The following GATM variants were observed in gnomAD, a reference collection of about 807,000 sequenced individuals.
The protein encoded by GATM is glycine amidinotransferase.
In GATM, 23 loss-of-function variants were observed where a neutral mutation model predicts 54.2. That is an observed-to-expected ratio of 0.42 (90% CI 0.31 to 0.60). The LOEUF (loss-of-function observed/expected upper bound fraction) is 0.60, where lower values mean the gene tolerates loss of function less well. Ranked by LOEUF, GATM falls within the 20% of genes least tolerant of loss-of-function variation. The pLI, the probability that GATM is intolerant of heterozygous loss-of-function variation, is 0.14. For missense variants in GATM, 401 were observed against 544.9 expected, an observed-to-expected ratio of 0.74 and a Z score of 2.63; for synonymous variants, 168 against 183.1, an observed-to-expected ratio of 0.92 and a Z score of 0.67.
chr15:45,366,817 CAGAG>C (rs751856917), intron 4 of GATM, among the ~76,000 whole-genome samples: 3 of 152,184 alleles, frequency 2.0e-5, no homozygotes, highest in African/African-American at 2.4e-5. Context: ...TTGAGAGAAA[CAGAG>C]AGACCACATT....
chr15:45,392,705 T>C (rs1358985032), intron 3 of GATM, among the ~76,000 whole-genome samples: 2 of 152,222 alleles, frequency 1.3e-5, no homozygotes, highest in African/African-American at 4.8e-5. Context: ...TTGTATTTGA[T>C]CATCTTCATA....
intron 3 of GATM, among the ~76,000 whole-genome samples, chr15:45,395,554 C>A (rs1319984901): frequency 6.6e-6 from 1 of 152,086 alleles, no homozygotes; most frequent in Non-Finnish European, 1.5e-5. Flanking sequence ...AAAAATAATA[C>A]AAAGTCACTT....
rs770990709 is a variant in GATM at position 45,376,650 on chromosome 15, A to G, written c.239T>C (p.Val80Ala). Residue 80 changes from valine (V) to alanine (A), a missense_variant, in exon 2 of 9, where the codon GTG becomes GCG. Around this residue, in one of 3 missense-constraint regions of GATM, gnomAD observed 321 missense variants for 457.5 expected, o/e 0.70. Transcript: ENST00000396659. ...NEWDPLEEVI[V>A]GRAENACVPP... ...AACACAGGCGTTTTCTGCTCTGCCC[A>G]CTATCACTTCCTCTAAGGGGTCCCA... 1.2e-6 allele frequency: 2 copies of G among 1,614,002 alleles called. No individual in the cohort carries two copies. The highest frequency in any genetic ancestry group is 1.3e-5 in the African/African-American group (1 of 74,898).
intron 1 of GATM, chr15:45,378,060 C>A (rs911900131): frequency 6.6e-6 from 2 of 303,466 alleles, no homozygotes; most frequent in Non-Finnish European, 1.2e-5. Flanking sequence ...CTTGGTGCAG[C>A]GCACCAAGGT....
intron 6 of GATM, 85 bp downstream of exon 6, chr15:45,365,961 A>G: frequency 4.9e-6 from 6 of 1,235,030 alleles, no homozygotes; most frequent in Non-Finnish European, 7.2e-6. Context: ...ACCATTAGGA[A>G]CCATGGAAGT....
At chr15:45,400,689 G>T (rs569002005) in intron 1 of GATM, among the ~76,000 whole-genome samples, 5 of 152,188 alleles carry the variant, frequency 3.3e-5, no homozygotes, top group Non-Finnish European at 7.4e-5. Flanking sequence ...TAACTTTATT[G>T]GCTCCCTGTT....
At chr15:45,367,190 A>G (rs1889463427) in intron 4 of GATM, among the ~76,000 whole-genome samples, 1 of 152,018 alleles carries the variant, frequency 6.6e-6, no homozygotes, top group Non-Finnish European at 1.5e-5. Context: ...AAAATACAAA[A>G]ATTCGTCAGG....
At chr15:45,396,700 T>A (rs1889935562) in intron 3 of GATM, among the ~76,000 whole-genome samples, 1 of 151,468 alleles carries the variant, frequency 6.6e-6, no homozygotes, top group Admixed American at 6.6e-5. Flanking sequence ...GAAACCCCGT[T>A]CCTACTAAAA....
At chr15:45,388,756 C>T (rs139930518) in intron 3 of GATM, among the ~76,000 whole-genome samples, 26 of 152,270 alleles carry the variant, frequency 1.7e-4, no homozygotes, top group Middle Eastern at 3.4e-3. Flanking sequence ...TCTCATATCA[C>T]TGATGGTATT....
chr15:45,376,852 C>A, intron 1 of GATM, 33 bp from the exon 2 acceptor site: 1 of 1,572,578 alleles, frequency 6.4e-7, no homozygotes, highest in Admixed American at 1.8e-5. Context: ...TATTGTATTG[C>A]ATTGCTCTAT....
intron 3 of GATM, among the ~76,000 whole-genome samples, chr15:45,394,361 A>G (rs1889904615): frequency 6.6e-6 from 1 of 152,174 alleles, no homozygotes; most frequent in South Asian, 2.1e-4. Flanking sequence ...TCTGTGCAAA[A>G]ATTGTCTTCC....
upstream of GATM, chr15:45,380,664 G>A (rs1889728898): frequency 6.6e-6 from 1 of 151,952 alleles, no homozygotes; most frequent in Non-Finnish European, 1.5e-5. Context: ...CCCATTAAAA[G>A]CACTATTTTA....
intron 3 of GATM, among the ~76,000 whole-genome samples, chr15:45,391,842 A>G (rs1595490062): frequency 6.6e-6 from 1 of 152,228 alleles, no homozygotes; most frequent in Non-Finnish European, 1.5e-5. Context: ...TTCTTCTGCT[A>G]AAGAAAAAAA....
At chr15:45,379,486 A>G (rs563804550), upstream of GATM, 159 of 152,392 alleles carry the variant, frequency 1.0e-3, no homozygotes, top group African/African-American at 3.7e-3. Flanking sequence ...CCAGACGAGC[A>G]GATGGCATGG....
intron 7 of GATM, chr15:45,364,349 C>T (rs1889412976): frequency 3.0e-6 from 1 of 335,080 alleles, no homozygotes; most frequent in African/African-American, 2.1e-5. Flanking sequence ...CTGGGGAACA[C>T]AGCAAGACAT....
chr15:45,389,412 T>A (rs1889842350), intron 3 of GATM, among the ~76,000 whole-genome samples: 1 of 152,236 alleles, frequency 6.6e-6, no homozygotes, highest in Non-Finnish European at 1.5e-5. Context: ...TGCTCCCAAA[T>A]AATCAAAGAC....
intron 2 of GATM, among the ~76,000 whole-genome samples, chr15:45,375,359 G>A (rs937615601): frequency 3.3e-5 from 5 of 152,124 alleles, no homozygotes; most frequent in Non-Finnish European, 5.9e-5. Context: ...GTGAGCCACC[G>A]CGCCTGGCCA....
At chr15:45,383,076 C>T (rs954464007), upstream of GATM, among the ~76,000 whole-genome samples, 2 of 152,118 alleles carry the variant, frequency 1.3e-5, no homozygotes, top group African/African-American at 2.4e-5. Flanking sequence ...ACCAGTATAT[C>T]CCTAGCACAG....
chr15:45,366,117 G>A lies in GATM; in HGVS notation c.907C>T (p.His303Tyr). Residue 303 changes from histidine (H) to tyrosine (Y), a missense_variant, in exon 6 of 9, where the codon CAT becomes TAT. Coordinates refer to ENST00000396659, the MANE Select transcript of GATM (RefSeq NM_001482.3). Reference sequence around the variant, plus strand: ...ATGATGTTGAAGGTAGCATCAATATGCATGGGATTGGGATCTTTAAAGGAG... The same window carrying A: ...ATGATGTTGAAGGTAGCATCAATATACATGGGATTGGGATCTTTAAAGGAG... ...IISFKDPNPM[H>Y]IDATFNIIGP... 6.2e-7 allele frequency: 1 copy of A among 1,613,962 alleles called. No individual in the cohort carries two copies. The highest frequency in any genetic ancestry group is 8.5e-7 in the Non-Finnish European group (1 of 1,179,844).
Sources: allele counts gnomAD v4.1 joint callset (sites outside exome capture counted in the v4.1 genomes callset), GRCh38; gene constraint gnomAD v4.1.1; regional missense constraint gnomAD v4.1.1; transcripts MANE v1.5; gene names NCBI Gene and HGNC (gene_info 2026-07-23, HGNC 2026-07-21).